The following SLC7A9 variants were observed in gnomAD, a reference collection of about 807,000 sequenced individuals.
SLC7A9 encodes solute carrier family 7 member 9.
Under a neutral mutation model 54.1 loss-of-function variants are expected in SLC7A9, and 38 were observed. That is an observed-to-expected ratio of 0.70 (90% confidence interval 0.54 to 0.92). SLC7A9 has a LOEUF of 0.92. Among genes scored for constraint, SLC7A9 ranks in the 40% least tolerant of loss-of-function variants. The pLI, the probability that SLC7A9 is intolerant of heterozygous loss-of-function variation, is 0.00. For missense variants in SLC7A9, 537 were observed against 636.1 expected (o/e 0.84, Z 1.68); for synonymous variants, 264 against 258.9 (o/e 1.02, Z -0.19).
At chr19:32,868,380 C>T (rs1969040944) in intron 2 of SLC7A9, 68 bp downstream of exon 2, 1 of 1,182,682 alleles carries the variant, frequency 8.5e-7, no homozygotes, top group Admixed American at 1.7e-5. Flanking sequence ...GATTTCACTG[C>T]CTGCGCCCCT....
chr19:32,842,378 G>A (rs1187908241), intron 10 of SLC7A9, 61 bp from the exon 11 acceptor site: 1 of 1,497,128 alleles, frequency 6.7e-7, no homozygotes, highest in Non-Finnish European at 9.3e-7. Context: ...TCATGTCACA[G>A]AAGACCGAAG....
At position 32,840,426 on chromosome 19, in the gene SLC7A9, G is replaced by C. The variant is rs1968095956; in HGVS notation, c.1224+1742C>G. ...GATCTTCCTCCCTTGGCCTCCCAAA[G>C]TACTGGGATTACAGGTGTGAGCCAC... On this transcript the variant is annotated intron_variant, in intron 11 of 12. Coordinates refer to ENST00000023064, the MANE Select transcript of SLC7A9 (RefSeq NM_014270.5). 2.0e-5 allele frequency among the ~76,000 whole-genome samples: 3 copies of C among 152,160 alleles called. No homozygotes were observed. In the South Asian group the frequency reaches 6.2e-4, roughly 32 times the overall value.
At chr19:32,851,499 A>G (rs1968465021) in intron 9 of SLC7A9, among the ~76,000 whole-genome samples, 2 of 150,130 alleles carry the variant, frequency 1.3e-5, no homozygotes, top group African/African-American at 4.9e-5. Context: ...TAGAATGGCG[A>G]TCATTAAAAA....
At chr19:32,851,709 G>A (rs1968471733) in intron 9 of SLC7A9, among the ~76,000 whole-genome samples, 1 of 152,124 alleles carries the variant, frequency 6.6e-6, no homozygotes, top group African/African-American at 2.4e-5. Flanking sequence ...CTGCTATAAA[G>A]GCACATGCAC....
Position 32,857,767 on chromosome 19 carries a change from T to C in SLC7A9, c.977+673A>G, listed in dbSNP as rs551426634. ...TGTTAAGTTATGCTACATCTGAAAG[T>C]GTGATACAACACAGCTGGTGGCAGT... On this transcript the variant is annotated intron_variant, in intron 9 of 12. Transcript: ENST00000023064. 2.5e-4 allele frequency among the ~76,000 whole-genome samples: 38 copies of C among 152,272 alleles called. 1 individual carries two copies. Among genetic ancestry groups the C allele is most frequent in the Middle Eastern group, 6.8e-3 (2 of 294 alleles).
chr19:32,869,505 C>T (rs1334398921), intron 1 of SLC7A9, among the ~76,000 whole-genome samples, 181 bp downstream of exon 1: 2 of 152,192 alleles, frequency 1.3e-5, no homozygotes, highest in African/African-American at 2.4e-5. Flanking sequence ...AGCCACCACG[C>T]CTGGCCAGGT....
At chr19:32,853,674 T>C (rs1818250162) in intron 9 of SLC7A9, among the ~76,000 whole-genome samples, 1 of 152,108 alleles carries the variant, frequency 6.6e-6, no homozygotes, top group Admixed American at 6.6e-5. Context: ...CCCAACACTT[T>C]GGGAGGCTGA....
At chr19:32,854,958 A>G (rs1033324855) in intron 9 of SLC7A9, among the ~76,000 whole-genome samples, 2 of 152,214 alleles carry the variant, frequency 1.3e-5, no homozygotes, top group African/African-American at 4.8e-5. Flanking sequence ...CTGGGTATAT[A>G]TTTGAATGAA....
intron 6 of SLC7A9, among the ~76,000 whole-genome samples, chr19:32,861,905 C>T (rs1968810618): frequency 6.6e-6 from 1 of 152,166 alleles, no homozygotes; most frequent in South Asian, 2.1e-4. Flanking sequence ...AGTGAGGGTT[C>T]TACACAGAGC....
intron 9 of SLC7A9, among the ~76,000 whole-genome samples, chr19:32,852,302 G>C (rs1170422939): frequency 3.3e-5 from 5 of 151,882 alleles, no homozygotes; most frequent in African/African-American, 1.2e-4. Flanking sequence ...ACCAGCTTGG[G>C]CAACATAGTA....
intron 4 of SLC7A9, 126 bp from the exon 5 acceptor site, chr19:32,862,712 C>CT (rs1794535855): frequency 2.3e-6 from 2 of 851,268 alleles, no homozygotes; most frequent in Admixed American, 7.5e-5. Context: ...GTCACCCAGG[C>CT]TGGAGAGCAG....
chr19:32,843,415 G>A (rs1968184644), intron 10 of SLC7A9, among the ~76,000 whole-genome samples: 1 of 152,006 alleles, frequency 6.6e-6, no homozygotes, highest in African/African-American at 2.4e-5. Context: ...CAAGATCATG[G>A]CACTGCACTC....
intron 9 of SLC7A9, among the ~76,000 whole-genome samples, chr19:32,849,438 G>T (rs1968399150): frequency 6.6e-6 from 1 of 151,990 alleles, no homozygotes; most frequent in African/African-American, 2.4e-5. Flanking sequence ...TAGAAGAAAT[G>T]GATAAATTCC....
intron 9 of SLC7A9, among the ~76,000 whole-genome samples, chr19:32,858,057 T>C (rs1424506765): frequency 6.6e-6 from 1 of 152,234 alleles, no homozygotes; most frequent in Non-Finnish European, 1.5e-5. Context: ...TCAGGAAATA[T>C]CACTATGTGA....
Position 32,846,877 on chromosome 19 carries a change from ACAGCCACTGCTGTTCTG to A in SLC7A9, c.978-2943_978-2927del, listed in dbSNP as rs1276286378. Among the ~76,000 whole-genome samples the A allele has an allele frequency of 2.6e-5, 4 of 152,360 alleles. No homozygotes were observed. The East Asian group carries it at 5.8e-4, about 22-fold the overall frequency. On this transcript the variant is annotated intron_variant, in intron 9 of 12. Transcript: ENST00000023064. ...GCAGGTCACCAAAATCCGCTGTTCT[ACAGCCACTGCTGTTCTG>A]CAGCCACTGCTGCTGACACCCAGGC...
At chr19:32,841,467 T>C (rs555119200) in intron 11 of SLC7A9, among the ~76,000 whole-genome samples, 46 of 152,198 alleles carry the variant, frequency 3.0e-4, no homozygotes, top group African/African-American at 1.0e-3. Context: ...GGCTCACACC[T>C]GTAATCCCAG....
chr19:32,832,451 G>T (rs1170141540), intron 12 of SLC7A9, among the ~76,000 whole-genome samples: 2 of 152,008 alleles, frequency 1.3e-5, no homozygotes, highest in African/African-American at 4.8e-5. Context: ...GCTGGGCGTG[G>T]TGGTGCACAC....
intron 11 of SLC7A9, among the ~76,000 whole-genome samples, chr19:32,838,421 A>G (rs889154810): frequency 4.0e-5 from 6 of 149,552 alleles, no homozygotes; most frequent in African/African-American, 1.2e-4. Flanking sequence ...ATTATTATAT[A>G]AGGATATATT....
intron 11 of SLC7A9, among the ~76,000 whole-genome samples, chr19:32,841,935 T>C (rs1968137840): frequency 6.6e-6 from 1 of 152,090 alleles, no homozygotes; most frequent in South Asian, 2.1e-4. Flanking sequence ...GTGGACCTCT[T>C]TGGTTACAGA....
Sources: gnomAD v4.1 joint callset for allele counts (sites outside exome capture counted in the v4.1 genomes callset) on GRCh38, gnomAD v4.1.1 for gene constraint, MANE v1.5 for transcripts, NCBI Gene and HGNC (gene_info 2026-07-23, HGNC 2026-07-21) for gene names.